Variants in COBL observed in about 807,000 individuals in gnomAD.
The protein encoded by COBL is cordon-bleu WH2 repeat protein.
A neutral mutation model predicts 98.8 loss-of-function variants in COBL; 51 were observed. The ratio of observed to expected loss-of-function variants is 0.52; its 90% confidence interval spans 0.41 to 0.65. The LOEUF (loss-of-function observed/expected upper bound fraction) is 0.65. Ranked by LOEUF, COBL falls within the 30% of genes least tolerant of loss-of-function variation. The pLI, the probability that COBL is intolerant of heterozygous loss-of-function variation, is 0.00. For missense variants in COBL, 1,617 were observed against 1,617.5 expected (o/e 1.00, Z 0.01); for synonymous variants, 634 against 651.7 (o/e 0.97, Z 0.41).
chr7:51,188,606 G>C (rs566860292), intron 4 of COBL, among the ~76,000 whole-genome samples: 2 of 152,256 alleles, frequency 1.3e-5, no homozygotes, highest in South Asian at 4.2e-4. Flanking sequence ...GGGTGGAAAG[G>C]GCCAAAATGT....
At chr7:51,211,467 A>C (rs1453556799) in intron 2 of COBL, among the ~76,000 whole-genome samples, 1 of 152,232 alleles carries the variant, frequency 6.6e-6, no homozygotes, top group African/African-American at 2.4e-5. Flanking sequence ...TAAGGCACCG[A>C]GCACAGTGCC....
At chr7:51,278,405 C>T (rs938472990) in intron 1 of COBL, among the ~76,000 whole-genome samples, 1 of 131,550 alleles carries the variant, frequency 7.6e-6, no homozygotes, top group Non-Finnish European at 1.6e-5. Flanking sequence ...TTTTGAGACA[C>T]AGTCTCACTC....
At chr7:51,274,229 C>T (rs1473700465) in intron 1 of COBL, among the ~76,000 whole-genome samples, 2 of 152,216 alleles carry the variant, frequency 1.3e-5, no homozygotes, top group Admixed American at 6.5e-5. Flanking sequence ...CTTGCTGCAA[C>T]GCCTTCCCTC....
rs750539122 is a variant in COBL, at chr7:51,043,565, T to G, written c.1224A>C (p.Gly408=). ...FASEDTTEDS[G]VMSSPSDIVS... ...CGATGTCTGAGGGGGAACTCATCAC[T>G]CCTGAGTCCTCGGTCGTGTCCTCCG... Residue 408 remains glycine, a synonymous_variant, in exon 8 of 13, where the codon GGA becomes GGC. Coordinates refer to ENST00000265136, the MANE Select transcript of COBL (RefSeq NM_015198.5). 1.9e-5 allele frequency: 30 copies of G among 1,614,090 alleles called. No individual in the cohort carries two copies. In the Middle Eastern group the frequency reaches 6.6e-4, roughly 35 times the overall value.
At chr7:51,231,335 A>C (rs1382301350) in intron 1 of COBL, among the ~76,000 whole-genome samples, 1 of 152,168 alleles carries the variant, frequency 6.6e-6, no homozygotes, top group East Asian at 1.9e-4. Flanking sequence ...CAGCAAAAAG[A>C]AGTGTCTCCA....
chr7:51,158,620 T>TGGGGCAGGTGCCACTA (rs1382671557), intron 5 of COBL, among the ~76,000 whole-genome samples: 1 of 152,138 alleles, frequency 6.6e-6, no homozygotes, highest in East Asian at 1.9e-4. Flanking sequence ...GCCCAGACCC[T>TGGGGCAGGTGCCACTA]GGGGCAGGTG....
intron 1 of COBL, among the ~76,000 whole-genome samples, chr7:51,271,274 C>T (rs573512348): frequency 1.3e-5 from 2 of 152,344 alleles, no homozygotes; most frequent in South Asian, 4.1e-4. Flanking sequence ...GCAGGGCACA[C>T]CATGCTCTCC....
intron 1 of COBL, among the ~76,000 whole-genome samples, chr7:51,254,567 C>A (rs1016208666): frequency 6.6e-6 from 1 of 152,132 alleles, no homozygotes; most frequent in Admixed American, 6.5e-5. Flanking sequence ...CCTCTCTTTC[C>A]ATCCCCCATT....
At chr7:51,311,220 A>G (rs13245191) in intron 1 of COBL, among the ~76,000 whole-genome samples, 47,423 of 152,110 alleles carry the variant, frequency 0.31, 9,130 homozygotes, top group Non-Finnish European at 0.43. Context: ...GACTTGGCCT[A>G]TAGAAGACAA....
At chr7:51,164,685 G>A (rs1787123303) in intron 5 of COBL, among the ~76,000 whole-genome samples, 1 of 151,954 alleles carries the variant, frequency 6.6e-6, no homozygotes, top group African/African-American at 2.4e-5. Context: ...AAACTCACGG[G>A]TAATAGTAAG....
intron 5 of COBL, among the ~76,000 whole-genome samples, chr7:51,181,944 C>G (rs1195337153): frequency 2.0e-5 from 3 of 152,244 alleles, no homozygotes; most frequent in African/African-American, 7.2e-5. Context: ...TCTCCCCACA[C>G]CCTGAACTAT....
At chr7:51,148,940 C>A (rs556256683) in intron 5 of COBL, among the ~76,000 whole-genome samples, 16 of 152,154 alleles carry the variant, frequency 1.1e-4, no homozygotes, top group East Asian at 3.9e-4. Context: ...ACAAAAAAAT[C>A]TCTTATCTTT....
intron 5 of COBL, among the ~76,000 whole-genome samples, chr7:51,166,853 C>T (rs1036018644): frequency 3.3e-5 from 5 of 152,066 alleles, no homozygotes; most frequent in Non-Finnish European, 5.9e-5. Flanking sequence ...AGGATAAAAA[C>T]CATATGATCA....
intron 1 of COBL, among the ~76,000 whole-genome samples, chr7:51,281,634 A>G (rs1166532211): frequency 7.3e-6 from 1 of 137,096 alleles, no homozygotes; most frequent in African/African-American, 2.8e-5. Context: ...AACAACTTTT[A>G]AAGTACTGAG....
At chr7:51,147,587 G>C (rs1583960738) in intron 5 of COBL, among the ~76,000 whole-genome samples, 1 of 152,220 alleles carries the variant, frequency 6.6e-6, no homozygotes, top group East Asian at 1.9e-4. Context: ...AACAAAGGGA[G>C]GAGGAAGTAA....
intron 1 of COBL, among the ~76,000 whole-genome samples, chr7:51,294,110 G>A (rs1801168774): frequency 6.6e-6 from 1 of 151,874 alleles, no homozygotes; most frequent in African/African-American, 2.4e-5. Context: ...GGCCAACATG[G>A]TGAAACCCCA....
intron 1 of COBL, among the ~76,000 whole-genome samples, chr7:51,241,789 C>G (rs1484938306): frequency 6.6e-6 from 1 of 152,182 alleles, no homozygotes; most frequent in African/African-American, 2.4e-5. Flanking sequence ...CGTTCCTCAG[C>G]TGCTCACAAG....
At chr7:51,276,567 C>T (rs1799331382) in intron 1 of COBL, among the ~76,000 whole-genome samples, 1 of 152,212 alleles carries the variant, frequency 6.6e-6, no homozygotes, top group Non-Finnish European at 1.5e-5. Context: ...CTTCCACAAG[C>T]TTTAAGGAAC....
At chr7:51,124,221 T>C (rs562539681) in intron 6 of COBL, among the ~76,000 whole-genome samples, 3 of 152,342 alleles carry the variant, frequency 2.0e-5, no homozygotes, top group East Asian at 1.9e-4. Flanking sequence ...ATGGGACCAG[T>C]TGGCCGACGA....
Sources: gnomAD v4.1 joint callset for allele counts (sites outside exome capture counted in the v4.1 genomes callset) on GRCh38, gnomAD v4.1.1 for gene constraint, MANE v1.5 for transcripts, NCBI Gene and HGNC (gene_info 2026-07-23, HGNC 2026-07-21) for gene names.